Variants in TAF8 observed in about 807,000 individuals in gnomAD.
TAF8 encodes transcription initiation factor TFIID subunit 8.
Under a neutral mutation model 36.5 loss-of-function variants are expected in TAF8, and 47 were observed. The ratio of observed to expected loss-of-function variants is 1.29; its 90% CI spans 1.02 to 1.64. TAF8 has a LOEUF of 1.64. Among genes scored for constraint, TAF8 ranks in the 40% most tolerant of loss-of-function variants. TAF8 has a pLI of 0.00. For synonymous variants in TAF8, 175 were observed against 159.5 expected (o/e 1.10, Z -0.73); for missense variants, 420 against 407.6 (o/e 1.03, Z -0.26).
downstream of TAF8, among the ~76,000 whole-genome samples, chr6:42,086,401 C>T (rs913026158): frequency 1.3e-5 from 2 of 152,196 alleles, no homozygotes; most frequent in African/African-American, 2.4e-5. Flanking sequence ...GTGTCCTCAT[C>T]GGTAAGTGTG....
intron 5 of TAF8, among the ~76,000 whole-genome samples, chr6:42,059,270 C>G (rs1765111159): frequency 6.6e-6 from 1 of 151,916 alleles, no homozygotes; most frequent in African/African-American, 2.4e-5. Context: ...GTAGTCCTAG[C>G]TACTTGGGAG....
chr6:42,077,802 C>A lies in TAF8; in HGVS notation c.*257C>A. 1 of 1,282,700 alleles carries A rather than the reference C, an allele frequency of 7.8e-7. No homozygotes were observed. Among genetic ancestry groups the A allele is most frequent in the Non-Finnish European group, 1.0e-6 (1 of 992,344 alleles). 79.5% of individuals were successfully genotyped at this position (1,282,700 alleles called of 1,614,324 possible). On this transcript the variant is annotated 3_prime_UTR_variant, in exon 9 of 9. Transcript: ENST00000372977. ...ATGGAGTCTTACTCTATCACCCAGG[C>A]TGGAATGCAGTGGTGTGATCTCAGC... is the stretch of plus-strand genomic sequence containing the variant.
chr6:42,063,183 CAG>C (rs1765243247), intron 5 of TAF8: 1 of 151,840 alleles, frequency 6.6e-6, no homozygotes, highest in Non-Finnish European at 1.5e-5. Flanking sequence ...TTTTTTGAAA[CAG>C]GGTCTCACTT....
Position 42,056,007 on chromosome 6 carries a change from C to T in TAF8, c.357C>T (p.Ile119=). The change falls in exon 4 of 9, where the codon ATC becomes ATT. Residue 119 remains isoleucine, a synonymous_variant. Coordinates refer to ENST00000372977, the MANE Select transcript of TAF8 (RefSeq NM_138572.3). ...AYAKRSQRMV[I]TAPPVTNQPV... ...CAAAACGGTCTCAGAGGATGGTCAT[C>T]ACTGCTCGTAAGTGACTTTGAACTG... 3.7e-6 allele frequency: 6 copies of T among 1,609,588 alleles called. No homozygotes were observed. The highest frequency in any genetic ancestry group is 5.1e-6 in the Non-Finnish European group (6 of 1,175,834).
intron 6 of TAF8, 130 bp from the exon 7 acceptor site, chr6:42,068,335 A>T: frequency 1.1e-6 from 1 of 950,402 alleles, no homozygotes; most frequent in Non-Finnish European, 1.6e-6. Context: ...CTGTTGTGTA[A>T]GTACTTGGAG....
Position 42,078,546 on chromosome 6 carries a change from G to C in TAF8, c.*1001G>C. 3 of 985,544 alleles carry C rather than the reference G, an allele frequency of 3.0e-6. No individual in the cohort carries two copies. Among genetic ancestry groups the C allele is most frequent in the Non-Finnish European group, 3.6e-6 (3 of 829,962 alleles). The allele number at this position is 985,544 out of a possible 1,614,324, so 61.0% of individuals were successfully genotyped here. Reference sequence around the variant, plus strand: ...GAGGCCACACAGCACAGCTTTGTTTGGGGTGGGCAGGAGTCAGGAGTCTTG... The same window carrying C: ...GAGGCCACACAGCACAGCTTTGTTTCGGGTGGGCAGGAGTCAGGAGTCTTG... On this transcript the variant is annotated 3_prime_UTR_variant, in exon 9 of 9. Transcript: ENST00000372977.
downstream of TAF8, chr6:42,086,572 A>G: frequency 1.2e-6 from 1 of 814,690 alleles, no homozygotes; most frequent in Non-Finnish European, 2.1e-6. Context: ...TCCTGGGGAG[A>G]AACAAACCTT....
intron 6 of TAF8, among the ~76,000 whole-genome samples, chr6:42,067,936 C>T (rs1765423596): frequency 6.6e-6 from 1 of 152,204 alleles, no homozygotes; most frequent in East Asian, 1.9e-4. Context: ...AGAGCTAGAA[C>T]TCTCATTGAC....
At chr6:42,073,274 C>T (rs1036023352) in intron 7 of TAF8, among the ~76,000 whole-genome samples, 13 of 152,134 alleles carry the variant, frequency 8.5e-5, no homozygotes, top group African/African-American at 3.1e-4. Context: ...AAAAATATAC[C>T]AGTCACTCAC....
rs964073336 is a variant in TAF8, at chr6:42,080,947, C to T, written c.*3402C>T. 3.0e-6 allele frequency: 3 copies of T among 985,116 alleles called. No individual in the cohort carries two copies. Among genetic ancestry groups the T allele is most frequent in the Non-Finnish European group, 3.6e-6 (3 of 829,832 alleles). The allele number at this position is 985,116 out of a possible 1,614,324, so 61.0% of individuals were successfully genotyped here. A position where few individuals can be genotyped will look rare whatever the true frequency, so the allele number is the denominator to read the frequency against. Reference sequence around the variant, plus strand: ...AACTTAATTTGTGTTCAAAAGTTAACAGCAATGTGGACAAATAAGTCAGGC... The same window carrying T: ...AACTTAATTTGTGTTCAAAAGTTAATAGCAATGTGGACAAATAAGTCAGGC... On this transcript the variant is annotated 3_prime_UTR_variant, in exon 9 of 9. Coordinates refer to ENST00000372977, the MANE Select transcript of TAF8 (RefSeq NM_138572.3).
At chr6:42,069,482 T>C (rs1765484506) in intron 7 of TAF8, among the ~76,000 whole-genome samples, 1 of 152,084 alleles carries the variant, frequency 6.6e-6, no homozygotes, top group Non-Finnish European at 1.5e-5. Context: ...ATAGAGTAGA[T>C]ATGAGAGTTA....
In TAF8 at chr6:42,079,794, TC is replaced by T. The variant is rs1479795372; in HGVS notation, c.*2251del. ...GTCTTGAACTCCTGGCCTCAAGTGA[TC>T]CACCCGCCTTGGCCTTCCAAAGTGT... On this transcript the variant is annotated 3_prime_UTR_variant, in exon 9 of 9. Coordinates refer to ENST00000372977, the MANE Select transcript of TAF8 (RefSeq NM_138572.3). 1.5e-5 allele frequency: 14 copies of T among 947,312 alleles called. No individual in the cohort carries two copies. The Admixed American group carries it at 4.3e-4, about 29-fold the overall frequency. The allele number at this position is 947,312 out of a possible 1,614,324, so 58.7% of individuals were successfully genotyped here. A position where few individuals can be genotyped will look rare whatever the true frequency, so the allele number is the denominator to read the frequency against.
In TAF8 at chr6:42,079,476, G is replaced by C; in HGVS notation, c.*1931G>C. 1 of 985,422 alleles carries C rather than the reference G, an allele frequency of 1.0e-6. No individual in the cohort carries two copies. The highest frequency in any genetic ancestry group is 1.2e-6 in the Non-Finnish European group (1 of 829,922). 61.0% of individuals were successfully genotyped at this position (985,422 alleles called of 1,614,324 possible). A position where few individuals can be genotyped will look rare whatever the true frequency, so the allele number is the denominator to read the frequency against. The stretch of plus-strand genomic sequence containing the variant: ...AAGAAAAATGTAACAACACGTGGAA[G>C]TGAACACTGGATGAATAAGCTTGTT... On this transcript the variant is annotated 3_prime_UTR_variant, in exon 9 of 9. Transcript: ENST00000372977.
chr6:42,068,453 C>T lies in TAF8; in HGVS notation c.638-12C>T. The T allele has an allele frequency of 6.2e-7, 1 of 1,613,766 alleles. No individual in the cohort carries two copies. Among genetic ancestry groups the T allele is most frequent in the East Asian group, 2.2e-5 (1 of 44,886 alleles). On this transcript the variant is annotated splice_polypyrimidine_tract_variant and intron_variant, in intron 6 of 8. Transcript: ENST00000372977. ...GTGACAGTGGACTCATGCCTCTCTT[C>T]CAATTCGCCAGTGATTGCTGCCAGA...
At chr6:42,077,022 A>T (rs1231189605) in intron 7 of TAF8, 78 bp from the exon 8 acceptor site, 16 of 1,498,170 alleles carry the variant, frequency 1.1e-5, no homozygotes, top group Admixed American at 2.0e-5. Context: ...AGAGGATGCT[A>T]ATGGTCATTC....
Position 42,082,494 on chromosome 6 carries a change from A to C in TAF8, c.*4949A>C, listed in dbSNP as rs1163061414. ...GCTGGGATTACAGGCATGTGCCACCACACCCAGCTAACTTTTGTATTTTTA... is the reference window on the plus strand; with the variant it reads ...GCTGGGATTACAGGCATGTGCCACCCCACCCAGCTAACTTTTGTATTTTTA... On this transcript the variant is annotated 3_prime_UTR_variant, in exon 9 of 9. Coordinates refer to ENST00000372977, the MANE Select transcript of TAF8 (RefSeq NM_138572.3). 1 of 152,204 alleles carries C rather than the reference A, an allele frequency of 6.6e-6. No individual in the cohort carries two copies. Among genetic ancestry groups the C allele is most frequent in the African/African-American group, 2.4e-5 (1 of 41,424 alleles). The allele number at this position is 152,204 out of a possible 1,614,324, so 9.4% of individuals were successfully genotyped here. A position where few individuals can be genotyped will look rare whatever the true frequency, so the allele number is the denominator to read the frequency against.
chr6:42,078,783 C>T lies in TAF8; in HGVS notation c.*1238C>T, dbSNP rs961193029. ...CTCTGACAAGAGCCTAGAGCGTCGG[C>T]TCTATTATGCTGGGACTTGACAGAG... On this transcript the variant is annotated 3_prime_UTR_variant, in exon 9 of 9. Coordinates refer to ENST00000372977, the MANE Select transcript of TAF8 (RefSeq NM_138572.3). The T allele has an allele frequency of 1.0e-6, 1 of 985,366 alleles. No individual in the cohort carries two copies. The highest frequency in any genetic ancestry group is 1.7e-5 in the African/African-American group (1 of 57,320). 61.0% of individuals were successfully genotyped at this position (985,366 alleles called of 1,614,324 possible).
chr6:42,050,754 G>T (rs1369622545), intron 1 of TAF8, 168 bp downstream of exon 1: 1 of 1,002,900 alleles, frequency 1.0e-6, no homozygotes, highest in South Asian at 1.8e-5. Context: ...CTTGGCTGCG[G>T]CCTCCGGAGT....
Position 42,080,323 on chromosome 6 carries a change from G to A in TAF8, c.*2778G>A. On this transcript the variant is annotated 3_prime_UTR_variant, in exon 9 of 9. Transcript: ENST00000372977. ...TAGAGGTGGGATTTGGAAAAGGGCT[G>A]CTATTTCTGCTGTTGAGATTTCAGA... 1 of 988,134 alleles carries A rather than the reference G, an allele frequency of 1.0e-6. No homozygotes were observed. The highest frequency in any genetic ancestry group is 1.2e-6 in the Non-Finnish European group (1 of 831,876). 61.2% of individuals were successfully genotyped at this position (988,134 alleles called of 1,614,324 possible). A position where few individuals can be genotyped will look rare whatever the true frequency, so the allele number is the denominator to read the frequency against.
Sources: allele counts gnomAD v4.1 joint callset (sites outside exome capture counted in the v4.1 genomes callset), GRCh38; gene constraint gnomAD v4.1.1; transcripts MANE v1.5; gene names NCBI Gene and HGNC (gene_info 2026-07-23, HGNC 2026-07-21).